Variants in F5 observed in about 807,000 individuals in gnomAD.
F5 encodes the protein activated protein c cofactor.
Under a neutral mutation model 216.4 loss-of-function variants are expected in F5, and 138 were observed. The ratio of observed to expected loss-of-function variants is 0.64; its 90% CI spans 0.56 to 0.73. The LOEUF is 0.73. Among genes scored for constraint, F5 ranks in the 30% least tolerant of loss-of-function variants. The pLI is 0.00. For synonymous variants in F5, 916 were observed against 930.7 expected (o/e 0.98, Z 0.29); for missense variants, 2,403 against 2,674.0 (o/e 0.90, Z 2.24).
chr1:169,542,480 T>G lies in F5; in HGVS notation c.2610A>C (p.Val870=). The change falls in exon 13 of 25, where the codon GTA becomes GTC. Residue 870 remains valine, a synonymous_variant. Coordinates refer to ENST00000367797, the MANE Select transcript of F5 (RefSeq NM_000130.5). ...TGTGCTTTGCTGCTTGATCTCTTTC[T>G]ACCTTGGGTCCCTTATGCTTAGCAT... ...QEHAKHKGPK[V]ERDQAAKHRF... The G allele has an allele frequency of 6.2e-7, 1 of 1,614,144 alleles. No homozygotes were observed. The highest frequency in any genetic ancestry group is 8.5e-7 in the Non-Finnish European group (1 of 1,179,992).
intron 1 of F5, among the ~76,000 whole-genome samples, chr1:169,583,082 G>T (rs1209373452): frequency 6.6e-6 from 1 of 152,192 alleles, no homozygotes; most frequent in Non-Finnish European, 1.5e-5. Flanking sequence ...AGATACAGTT[G>T]ATAAGTGGCA....
intron 21 of F5, among the ~76,000 whole-genome samples, chr1:169,521,123 T>C (rs1400318412): frequency 6.6e-6 from 1 of 152,174 alleles, no homozygotes; most frequent in East Asian, 1.9e-4. Flanking sequence ...CATAGCGAGA[T>C]ATGATAGAAA....
intron 13 of F5, among the ~76,000 whole-genome samples, chr1:169,539,291 A>G (rs944666903): frequency 3.3e-5 from 5 of 152,162 alleles, no homozygotes; most frequent in Admixed American, 2.6e-4. Context: ...CTCTGAGCAT[A>G]ACATGCAAAC....
At chr1:169,565,501 G>T (rs74124515) in intron 3 of F5, among the ~76,000 whole-genome samples, 4,881 of 152,178 alleles carry the variant, frequency 0.032, 257 homozygotes, top group African/African-American at 0.11. Context: ...TACAGCCTAG[G>T]TCAACAAGTC....
intron 10 of F5, among the ~76,000 whole-genome samples, chr1:169,548,975 T>C (rs1277110794): frequency 6.6e-6 from 1 of 152,058 alleles, no homozygotes; most frequent in Non-Finnish European, 1.5e-5. Context: ...ACATGAATGA[T>C]TGACTGAATA....
intron 2 of F5, among the ~76,000 whole-genome samples, chr1:169,574,281 G>T (rs1047691031): frequency 2.0e-5 from 3 of 152,106 alleles, no homozygotes; most frequent in East Asian, 1.9e-4. Context: ...ATCACCTAGG[G>T]TCTTAATAAG....
chr1:169,544,603 G>T, intron 11 of F5, 95 bp from the exon 12 acceptor site: 1 of 1,068,426 alleles, frequency 9.4e-7, no homozygotes, highest in Non-Finnish European at 1.4e-6. Context: ...TGTTAATTTG[G>T]TTGTGTCAAA....
rs985261551 is a variant in F5, at chr1:169,559,359, G to C, written c.587-63C>G. 2.6e-6 allele frequency: 4 copies of C among 1,555,556 alleles called. No homozygotes were observed. In the African/African-American group the frequency reaches 5.4e-5, roughly 21 times the overall value. On this transcript the variant is annotated intron_variant, in intron 4 of 24. Coordinates refer to ENST00000367797, the MANE Select transcript of F5 (RefSeq NM_000130.5). ...ATAGAAGACGCTCATTAGCTTTCCT[G>C]GATAGCAAAGAGTTTAGGGCAAGCA... is the stretch of plus-strand genomic sequence containing the variant.
rs563666030 is a variant in F5 at position 169,542,384 on chromosome 1, G to A, written c.2706C>T (p.Ser902=). The A allele has an allele frequency of 3.5e-5, 57 of 1,614,022 alleles. No individual in the cohort carries two copies. The highest frequency in any genetic ancestry group is 2.9e-4 in the East Asian group (13 of 44,878). The part of the protein sequence containing the change: ...RHLSQDTGSP[S]GMRPWEDLPS... The stretch of plus-strand genomic sequence containing the variant: ...GAAGGTCCTCCCAGGGCCTCATTCC[G>A]GAAGGAGAACCAGTGTCTTGGCTTA... The change falls in exon 13 of 25, where the codon TCC becomes TCT. Residue 902 remains serine, a synonymous_variant. Transcript: ENST00000367797.
intron 1 of F5, among the ~76,000 whole-genome samples, chr1:169,584,812 CAACA>C (rs1168156789): frequency 6.6e-6 from 1 of 152,172 alleles, no homozygotes; most frequent in African/African-American, 2.4e-5. Flanking sequence ...GGTTTTGACT[CAACA>C]ATTCCTACCA....
At position 169,518,535 on chromosome 1, in the gene F5, A is replaced by G; in HGVS notation, c.6222T>C (p.Asn2074=). Residue 2074 remains asparagine (N), a synonymous_variant, in exon 23 of 25, where the codon AAT becomes AAC. Coordinates refer to ENST00000367797, the MANE Select transcript of F5 (RefSeq NM_000130.5). The part of the protein sequence containing the change: ...NGCSTPLGME[N]GKIENKQITA... The stretch of plus-strand genomic sequence containing the variant: ...TGATTTGCTTGTTTTCTATCTTTCC[A>G]TTTTCCATACCCAGGGGTGTGGAAC... The G allele has an allele frequency of 1.2e-6, 2 of 1,613,812 alleles. No homozygotes were observed. Among genetic ancestry groups the G allele is most frequent in the Non-Finnish European group, 1.7e-6 (2 of 1,179,874 alleles).
intron 3 of F5, among the ~76,000 whole-genome samples, chr1:169,569,242 G>A (rs1161618683): frequency 6.6e-6 from 1 of 152,000 alleles, no homozygotes; most frequent in East Asian, 1.9e-4. Flanking sequence ...AAATCTAGAA[G>A]AGCAAATTTT....
rs767911915 is a variant in F5 at position 169,513,400 on chromosome 1, A to G, written c.*913T>C. On this transcript the variant is annotated 3_prime_UTR_variant, in exon 25 of 25. Transcript: ENST00000367797. ...ATCACTGAATGCCAAGTCCCCAGGG[A>G]AAGGAATGATGAAAGGGGAAGTTGC... 4.6e-5 allele frequency among the ~76,000 whole-genome samples: 7 copies of G among 152,020 alleles called. No homozygotes were observed. Among genetic ancestry groups the G allele is most frequent in the Non-Finnish European group, 5.9e-5 (4 of 67,972 alleles).
At chr1:169,545,799 G>A (rs1317917014) in intron 11 of F5, among the ~76,000 whole-genome samples, 1 of 152,146 alleles carries the variant, frequency 6.6e-6, no homozygotes, top group Non-Finnish European at 1.5e-5. Flanking sequence ...GATCAGTAGG[G>A]GGACCCTGGC....
rs1441070788 is a variant in F5, at chr1:169,513,513, T to TG, written c.*799_*800insC. Among the ~76,000 whole-genome samples, 7 of 152,282 alleles carry TG rather than the reference T, an allele frequency of 4.6e-5. No individual in the cohort carries two copies. The East Asian group carries it at 9.6e-4, about 21-fold the overall frequency. ...CTGCTTGCCAGTTTGGCCAGAGGTC[T>TG]CTTTGAGCAGGAACAACTGCATTTA... On this transcript the variant is annotated 3_prime_UTR_variant, in exon 25 of 25. Coordinates refer to ENST00000367797, the MANE Select transcript of F5 (RefSeq NM_000130.5).
At chr1:169,550,299 C>A (rs9332587) in intron 9 of F5, among the ~76,000 whole-genome samples, 2 of 121,526 alleles carry the variant, frequency 1.6e-5, no homozygotes, top group Non-Finnish European at 3.6e-5. Context: ...CCCCCCCCCC[C>A]CGACAGGCCC....
At position 169,549,912 on chromosome 1, in the gene F5, G is replaced by C; in HGVS notation, c.1500C>G (p.Cys500Trp). 9 of 1,614,064 alleles carry C rather than the reference G, an allele frequency of 5.6e-6. No individual in the cohort carries two copies. The highest frequency in any genetic ancestry group is 7.6e-6 in the Non-Finnish European group (9 of 1,179,960). The change falls in exon 10 of 25, where the codon TGC becomes TGG. Residue 500 changes from cysteine (C) to tryptophan (W), a missense_variant. Transcript: ENST00000367797. ...FDEPTENDAQ[C>W]LTRPYYSDVD... ...CGTCACTGTAGTATGGTCTTGTTAA[G>C]CACTGGGCATCATTTTCTGTGGGTT...
intron 2 of F5, among the ~76,000 whole-genome samples, chr1:169,577,579 A>ATATATATATATATATATG (rs1557933708): frequency 2.6e-5 from 3 of 114,664 alleles, no homozygotes; most frequent in African/African-American, 9.3e-5. Flanking sequence ...ATATATATAT[A>ATATATATATATATATATG]TATATATATA....
intron 2 of F5, among the ~76,000 whole-genome samples, chr1:169,575,823 T>G (rs1660830965): frequency 6.6e-6 from 1 of 152,060 alleles, no homozygotes; most frequent in Non-Finnish European, 1.5e-5. Flanking sequence ...TGCTGAGATG[T>G]CCACGTCCTA....
Sources: gnomAD v4.1 joint callset for allele counts (sites outside exome capture counted in the v4.1 genomes callset) on GRCh38, gnomAD v4.1.1 for gene constraint, MANE v1.5 for transcripts, NCBI Gene and HGNC (gene_info 2026-07-23, HGNC 2026-07-21) for gene names.